Variants in GABRD observed in about 807,000 individuals in gnomAD.
GABRD encodes gamma-aminobutyric acid receptor subunit delta.
A neutral mutation model predicts 47.3 loss-of-function variants in GABRD; 25 were observed. That is an observed-to-expected ratio of 0.53 (90% confidence interval 0.39 to 0.74). The LOEUF (loss-of-function observed/expected upper bound fraction) is 0.74. GABRD is among the 30% of genes least tolerant of loss of function. GABRD has a pLI of 0.00. For missense variants in GABRD, 497 were observed against 643.4 expected (o/e 0.77, Z 2.46); for synonymous variants, 314 against 278.8 (o/e 1.13, Z -1.26).
chr1:2,021,068 GC>G (rs1424530101), intron 1 of GABRD, among the ~76,000 whole-genome samples: 2 of 152,208 alleles, frequency 1.3e-5, no homozygotes, highest in African/African-American at 4.8e-5. Context: ...GAAGGCCACG[GC>G]CCAGCCAGGA....
At chr1:2,020,081 G>C (rs901123442) in intron 1 of GABRD, among the ~76,000 whole-genome samples, 1 of 152,246 alleles carries the variant, frequency 6.6e-6, no homozygotes, top group Non-Finnish European at 1.5e-5. Flanking sequence ...ACGGCGGCCA[G>C]GTGCCCCTGG....
At chr1:2,025,937 A>C (rs374805712) in intron 4 of GABRD, 199 bp downstream of exon 4, 16 of 599,466 alleles carry the variant, frequency 2.7e-5, no homozygotes, top group East Asian at 1.9e-4. Flanking sequence ...AAGGTCGCCG[A>C]CAGGAAGCCG....
At position 2,028,020 on chromosome 1, in the gene GABRD, C is replaced by T. The variant is rs1300779458; in HGVS notation, c.554-135C>T. 2 of 1,016,788 alleles carry T rather than the reference C, an allele frequency of 2.0e-6. No individual in the cohort carries two copies. The highest frequency in any genetic ancestry group is 2.6e-5 in the East Asian group (1 of 38,370). The allele number at this position is 1,016,788 out of a possible 1,614,324, so 63.0% of individuals were successfully genotyped here. ...CCCAGAGCCGAAGGTCTCCTCGCTC[C>T]TGGCTGGGGTCCTGCTCGGTCCCCA... On this transcript the variant is annotated intron_variant, in intron 5 of 8. Coordinates refer to ENST00000378585, the MANE Select transcript of GABRD (RefSeq NM_000815.5). This position sits in a 1 kb window ranked among gnomAD's most constrained non-coding sequence, Gnocchi z 6.4.
intron 1 of GABRD, 77 bp from the exon 2 acceptor site, chr1:2,024,865 A>G: frequency 9.2e-7 from 1 of 1,091,230 alleles, no homozygotes; most frequent in Non-Finnish European, 1.4e-6. Context: ...ACAGTGCTGC[A>G]TCCCCAGGAA....
In GABRD at chr1:2,030,074, C is replaced by A; in HGVS notation, c.1151C>A (p.Pro384Gln). ...ATCTCCCGCCGGCAGCGCCGCGTCC[C>A]GGGGAACCTGATGGGCTCCTACAGG... is the stretch of plus-strand genomic sequence containing the variant. Reference protein sequence around the residue: ...LAISRRQRRVPGNLMGSYRSV... With the variant: ...LAISRRQRRVQGNLMGSYRSV... Residue 384 changes from proline to glutamine, a missense_variant, in exon 9 of 9, where the codon CCG becomes CAG. Transcript: ENST00000378585. 1 of 1,608,756 alleles carries A rather than the reference C, an allele frequency of 6.2e-7. No homozygotes were observed. Among genetic ancestry groups the A allele is most frequent in the Non-Finnish European group, 8.5e-7 (1 of 1,178,040 alleles).
chr1:2,028,068 C>A lies in GABRD; in HGVS notation c.554-87C>A. On this transcript the variant is annotated intron_variant, in intron 5 of 8. Coordinates refer to ENST00000378585, the MANE Select transcript of GABRD (RefSeq NM_000815.5). The surrounding 1 kb of genome is among the most constrained non-coding windows in gnomAD (Gnocchi z 6.4). ...CCATCACGATGGCGTCGGCCCCCTG[C>A]AGGCTTCCTGTGTGGACGGAGCGCT... The A allele has an allele frequency of 6.8e-7, 1 of 1,461,626 alleles. No homozygotes were observed. The highest frequency in any genetic ancestry group is 9.3e-7 in the Non-Finnish European group (1 of 1,076,822). The allele number at this position is 1,461,626 out of a possible 1,614,324, so 90.5% of individuals were successfully genotyped here.
intron 2 of GABRD, 99 bp downstream of exon 2, chr1:2,025,153 G>C: frequency 7.8e-7 from 1 of 1,290,104 alleles, no homozygotes; most frequent in Middle Eastern, 2.1e-4. Context: ...TCTAGGCAAG[G>C]AAGCCTGGCT....
At chr1:2,019,838 T>C (rs1232660111) in intron 1 of GABRD, among the ~76,000 whole-genome samples, 4 of 152,036 alleles carry the variant, frequency 2.6e-5, no homozygotes, top group East Asian at 1.9e-4. Flanking sequence ...CACTCGCGGG[T>C]CCCTGCCCGG....
In GABRD at chr1:2,028,127, G is replaced by A; in HGVS notation, c.554-28G>A. The A allele has an allele frequency of 6.3e-7, 1 of 1,596,518 alleles. No individual in the cohort carries two copies. Among genetic ancestry groups the A allele is most frequent in the Non-Finnish European group, 8.6e-7 (1 of 1,168,448 alleles). ...GGCTCCCGGGGCAGGGCCGGGCTCT[G>A]CCGCCCACCTGTGTGCTTTTCCTCC... On this transcript the variant is annotated intron_variant, in intron 5 of 8. Transcript: ENST00000378585. The surrounding 1 kb of genome is among the most constrained non-coding windows in gnomAD (Gnocchi z 6.4).
chr1:2,029,896 GC>G (rs1046825838), intron 8 of GABRD, 86 bp from the exon 9 acceptor site: 66 of 1,563,968 alleles, frequency 4.2e-5, no homozygotes, highest in Non-Finnish European at 5.6e-5. Flanking sequence ...TCCAGGCGGG[GC>G]CCCCGCATGG....
At position 2,030,085 on chromosome 1, in the gene GABRD, A is replaced by T. The variant is rs777148022; in HGVS notation, c.1162A>T (p.Met388Leu). ...GCAGCGCCGCGTCCCGGGGAACCTG[A>T]TGGGCTCCTACAGGTCGGTGGGGGT... ...RRQRRVPGNL[M>L]GSYRSVGVET... The change falls in exon 9 of 9, where the codon ATG becomes TTG. Residue 388 changes from methionine to leucine, a missense_variant. Around this residue, in one of 3 missense-constraint regions of GABRD, gnomAD observed 121 missense variants for 121.3 expected, o/e 1.00. Coordinates refer to ENST00000378585, the MANE Select transcript of GABRD (RefSeq NM_000815.5). 1 of 1,606,394 alleles carries T rather than the reference A, an allele frequency of 6.2e-7. No homozygotes were observed. The highest frequency in any genetic ancestry group is 8.5e-7 in the Non-Finnish European group (1 of 1,176,796).
Position 2,030,011 on chromosome 1 carries a change from TCTC to T in GABRD, c.1090_1092del (p.Ser364del). ...GACGTGAGGAACGCCATTGTCCTCT[TCTC>T]CCTCTCTGCTGCCGGCGTCACGCAG... On this transcript the variant is annotated inframe_deletion, in exon 9 of 9. Coordinates refer to ENST00000378585, the MANE Select transcript of GABRD (RefSeq NM_000815.5). 1 of 1,612,718 alleles carries T rather than the reference TCTC, an allele frequency of 6.2e-7. No individual in the cohort carries two copies.
intron 1 of GABRD, 22 bp downstream of exon 1, chr1:2,019,513 G>C: frequency 9.1e-7 from 1 of 1,104,606 alleles, no homozygotes; most frequent in Non-Finnish European, 1.1e-6. Flanking sequence ...GGGTCCGCGC[G>C]GCGCGGGGTC....
At chr1:2,027,696 G>C in intron 5 of GABRD, 37 bp downstream of exon 5, 1 of 1,563,424 alleles carries the variant, frequency 6.4e-7, no homozygotes, top group Non-Finnish European at 8.8e-7. Flanking sequence ...GGCTTCTCCA[G>C]CAGTGGATGG....
intron 1 of GABRD, chr1:2,023,933 C>G (rs1225658699): frequency 6.6e-6 from 1 of 152,168 alleles, no homozygotes; most frequent in Admixed American, 6.5e-5. Context: ...GAGGGAACCT[C>G]CGTCCCTGGC....
chr1:2,024,755 C>T (rs982146064), intron 1 of GABRD, 187 bp from the exon 2 acceptor site: 20 of 542,750 alleles, frequency 3.7e-5, no homozygotes, highest in African/African-American at 1.3e-4. Flanking sequence ...GAGGACCTCC[C>T]GGGGTTCCCT....
In GABRD at chr1:2,019,406, C is replaced by G. The variant is rs1169209216; in HGVS notation, c.-18C>G. 1 of 1,069,622 alleles carries G rather than the reference C, an allele frequency of 9.3e-7. No individual in the cohort carries two copies. The highest frequency in any genetic ancestry group is 1.1e-6 in the Non-Finnish European group (1 of 886,130). The allele number at this position is 1,069,622 out of a possible 1,614,324, so 66.3% of individuals were successfully genotyped here. On this transcript the variant is annotated 5_prime_UTR_variant, in exon 1 of 9. Transcript: ENST00000378585. ...GGAGCCAAGTTTGCGCGGACCCCGT[C>G]CCGAGCCCGCCGCGGCCATGGACGC...
chr1:2,024,881 C>T (rs1218690972), intron 1 of GABRD, 61 bp from the exon 2 acceptor site: 9 of 1,269,248 alleles, frequency 7.1e-6, no homozygotes, highest in African/African-American at 4.4e-5. Flanking sequence ...AGGAAGGGAC[C>T]CAGGCTCAGT....
Position 2,028,057 on chromosome 1 carries a change from T to TCGG in GABRD, c.554-96_554-94dup. The TCGG allele has an allele frequency of 7.3e-7, 1 of 1,378,198 alleles. No individual in the cohort carries two copies. The highest frequency in any genetic ancestry group is 9.9e-7 in the Non-Finnish European group (1 of 1,010,024). The allele number at this position is 1,378,198 out of a possible 1,614,324, so 85.4% of individuals were successfully genotyped here. ...CTGCTCGGTCCCCATCACGATGGCG[T>TCGG]CGGCCCCCTGCAGGCTTCCTGTGTG... On this transcript the variant is annotated intron_variant, in intron 5 of 8. Coordinates refer to ENST00000378585, the MANE Select transcript of GABRD (RefSeq NM_000815.5). The surrounding 1 kb of genome is among the most constrained non-coding windows in gnomAD (Gnocchi z 6.4).
Sources: gnomAD v4.1 joint callset for allele counts (sites outside exome capture counted in the v4.1 genomes callset) on GRCh38, gnomAD v4.1.1 for gene constraint, gnomAD v4.1.1 regional missense constraint, Gnocchi (gnomAD v3.1) non-coding constraint, MANE v1.5 for transcripts, NCBI Gene and HGNC (gene_info 2026-07-23, HGNC 2026-07-21) for gene names.